The following LRRC75A variants were observed in gnomAD, a reference collection of about 807,000 sequenced individuals.
LRRC75A encodes leucine rich repeat containing 75A.
A neutral mutation model predicts 26.0 loss-of-function variants in LRRC75A; 12 were observed. The ratio of observed to expected loss-of-function variants is 0.46; its 90% CI spans 0.30 to 0.75. The LOEUF is 0.75. Among genes scored for constraint, LRRC75A ranks in the 30% least tolerant of loss-of-function variants. The probability of loss-of-function intolerance (pLI) is 0.08; values close to 1 mark genes in which losing one functional copy is unlikely to be tolerated. For synonymous variants in LRRC75A, 223 were observed against 219.3 expected, an observed-to-expected ratio of 1.02 and a Z score of -0.15; for missense variants, 410 against 486.6, an observed-to-expected ratio of 0.84 and a Z score of 1.48.
chr17:16,482,585 C>T (rs1198591567), intron 1 of LRRC75A, among the ~76,000 whole-genome samples: 3 of 152,184 alleles, frequency 2.0e-5, no homozygotes, highest in Non-Finnish European at 2.9e-5. Flanking sequence ...CTGGGCCTAG[C>T]GCCTGTGTCC....
chr17:16,462,335 T>C lies in LRRC75A; in HGVS notation c.298A>G (p.Ser100Gly), dbSNP rs1425904650. 6.2e-7 allele frequency: 1 copy of C among 1,614,190 alleles called. No individual in the cohort carries two copies. The highest frequency in any genetic ancestry group is 1.7e-5 in the Admixed American group (1 of 60,024). Residue 100 changes from serine (S) to glycine (G), a missense_variant, in exon 2 of 4, where the codon AGC (serine) becomes GGC (glycine). Transcript: ENST00000470794. The surrounding 1 kb of genome is among the most constrained non-coding windows in gnomAD (Gnocchi z 4.6). ...SLDDVLYRYA[S>G]FRNLVDPITH... is the part of the protein sequence containing the mutation. ...ATGGGGTCCACCAGGTTCCGGAAGC[T>C]GGCGTAGCGATACAGAACGTCGTCT... is the stretch of plus-strand genomic sequence containing the variant.
intron 1 of LRRC75A, among the ~76,000 whole-genome samples, chr17:16,471,699 C>T (rs1267504877): frequency 1.3e-5 from 2 of 152,210 alleles, no homozygotes; most frequent in African/African-American, 4.8e-5. Context: ...CTCAGCTCAA[C>T]ATGGGAAAGA....
At chr17:16,471,919 G>T (rs1378705630) in intron 1 of LRRC75A, among the ~76,000 whole-genome samples, 1 of 152,148 alleles carries the variant, frequency 6.6e-6, no homozygotes, top group African/African-American at 2.4e-5. Context: ...CTGGGGAAGG[G>T]GGAATTCGTG....
chr17:16,484,165 G>A lies in LRRC75A; in HGVS notation c.246+7580C>T, dbSNP rs112990780. 1.6e-4 allele frequency among the ~76,000 whole-genome samples: 25 copies of A among 152,002 alleles called. No individual in the cohort carries two copies. In the East Asian group the frequency reaches 2.3e-3, roughly 14 times the overall value. On this transcript the variant is annotated intron_variant, in intron 1 of 3. Transcript: ENST00000470794. ...ATCCTGGCCAACATAGTGAAACCCCGTCTCTACTAAAAATACAAAAATTAG... is the reference window on the plus strand; with the variant it reads ...ATCCTGGCCAACATAGTGAAACCCCATCTCTACTAAAAATACAAAAATTAG...
intron 2 of LRRC75A, among the ~76,000 whole-genome samples, chr17:16,458,801 A>G (rs2093705580): frequency 6.6e-6 from 1 of 151,966 alleles, no homozygotes; most frequent in South Asian, 2.1e-4. Context: ...GCCTTCTGAC[A>G]CCTGCAGCCC....
intron 1 of LRRC75A, among the ~76,000 whole-genome samples, chr17:16,481,628 T>A: frequency 6.6e-6 from 1 of 151,906 alleles, no homozygotes; most frequent in East Asian, 1.9e-4. Context: ...TCCCCCATGA[T>A]GGCCTGGCAG....
At chr17:16,467,068 G>A (rs1357239147) in intron 1 of LRRC75A, among the ~76,000 whole-genome samples, 4 of 152,278 alleles carry the variant, frequency 2.6e-5, no homozygotes, top group East Asian at 3.9e-4. Context: ...CAAAAATGGG[G>A]AGCAACACCA....
chr17:16,480,243 A>C (rs972288875), intron 1 of LRRC75A, among the ~76,000 whole-genome samples: 1 of 152,204 alleles, frequency 6.6e-6, no homozygotes, highest in Non-Finnish European at 1.5e-5. Context: ...GTACACAATA[A>C]GTGTAATGTG....
At chr17:16,477,566 G>A (rs949110319) in intron 1 of LRRC75A, among the ~76,000 whole-genome samples, 7 of 152,242 alleles carry the variant, frequency 4.6e-5, no homozygotes, top group African/African-American at 1.7e-4. Context: ...ACCTCTCCAC[G>A]CTTGGCCACT....
chr17:16,489,875 C>CA (rs2093853921), intron 1 of LRRC75A, among the ~76,000 whole-genome samples: 1 of 151,998 alleles, frequency 6.6e-6, no homozygotes, highest in South Asian at 2.1e-4. Flanking sequence ...CCCACCCCCC[C>CA]ATCAGCCCTC....
At chr17:16,473,795 G>A (rs552166707) in intron 1 of LRRC75A, among the ~76,000 whole-genome samples, 24 of 152,306 alleles carry the variant, frequency 1.6e-4, no homozygotes, top group African/African-American at 5.5e-4. Context: ...CAGGCACCCC[G>A]GCAGGCTGGC....
chr17:16,461,764 C>T (rs1473925381), intron 2 of LRRC75A, among the ~76,000 whole-genome samples: 2 of 152,200 alleles, frequency 1.3e-5, no homozygotes, highest in African/African-American at 2.4e-5. Context: ...AAAAGTTCAC[C>T]TCCAGGGAGA....
chr17:16,454,606 G>A (rs139717620), intron 2 of LRRC75A, among the ~76,000 whole-genome samples: 1 of 152,054 alleles, frequency 6.6e-6, no homozygotes, highest in South Asian at 2.1e-4. Flanking sequence ...CAGGAGAATC[G>A]CGTGAACCCA....
intron 1 of LRRC75A, among the ~76,000 whole-genome samples, chr17:16,476,724 C>A (rs2093820538): frequency 6.8e-6 from 1 of 146,066 alleles, no homozygotes; most frequent in Admixed American, 6.9e-5. Flanking sequence ...CGTCACCATG[C>A]CTGGCTGATT....
At position 16,443,942 on chromosome 17, in the gene LRRC75A, G is replaced by A; in HGVS notation, c.681C>T (p.Ser227=). ...CCAGTGTGGTGAGGCGGGGCAGGGT[G>A]CTGAGTGCTGGCAGCAGCTGCAGGA... is the stretch of plus-strand genomic sequence containing the variant. ...DMVLQLLPAL[S]TLPRLTTLAL... The change falls in exon 4 of 4, where the codon AGC becomes AGT. Residue 227 remains serine (S), a synonymous_variant. Coordinates refer to ENST00000470794, the MANE Select transcript of LRRC75A (RefSeq NM_001113567.3). 1 of 1,613,158 alleles carries A rather than the reference G, an allele frequency of 6.2e-7. No homozygotes were observed. Among genetic ancestry groups the A allele is most frequent in the Admixed American group, 1.7e-5 (1 of 60,012 alleles).
At chr17:16,472,432 C>G (rs950332155) in intron 1 of LRRC75A, among the ~76,000 whole-genome samples, 5 of 152,190 alleles carry the variant, frequency 3.3e-5, no homozygotes, top group Non-Finnish European at 5.9e-5. Flanking sequence ...GAGACCCCCC[C>G]ACTGGAGGGG....
intron 1 of LRRC75A, among the ~76,000 whole-genome samples, chr17:16,480,256 TA>T (rs1343613432): frequency 6.6e-6 from 1 of 152,144 alleles, no homozygotes; most frequent in African/African-American, 2.4e-5. Flanking sequence ...GTAATGTGTT[TA>T]AATCATCTCA....
chr17:16,481,258 C>T (rs2093833298), intron 1 of LRRC75A, among the ~76,000 whole-genome samples: 1 of 152,162 alleles, frequency 6.6e-6, no homozygotes, highest in Non-Finnish European at 1.5e-5. Context: ...GGCCACAGGA[C>T]TACACCAGGT....
Position 16,462,216 on chromosome 17 carries a change from C to G in LRRC75A, c.375+42G>C. 1 of 1,611,412 alleles carries G rather than the reference C, an allele frequency of 6.2e-7. No homozygotes were observed. The highest frequency in any genetic ancestry group is 8.5e-7 in the Non-Finnish European group (1 of 1,178,598). Reference sequence around the variant, plus strand: ...GCTCTGCCCAGAAAGGCACCCACCGCACACCCCGGGACCTGGCTGGCTCGG... The same window carrying G: ...GCTCTGCCCAGAAAGGCACCCACCGGACACCCCGGGACCTGGCTGGCTCGG... On this transcript the variant is annotated intron_variant, in intron 2 of 3. Transcript: ENST00000470794. This position sits in a 1 kb window ranked among gnomAD's most constrained non-coding sequence, Gnocchi z 4.6.
Sources: gnomAD v4.1 joint callset for allele counts (sites outside exome capture counted in the v4.1 genomes callset) on GRCh38, gnomAD v4.1.1 for gene constraint, Gnocchi (gnomAD v3.1) non-coding constraint, MANE v1.5 for transcripts, NCBI Gene and HGNC (gene_info 2026-07-23, HGNC 2026-07-21) for gene names.